MIX23: variants seen among roughly 807,000 people sequenced by gnomAD.
The protein encoded by MIX23 is protein MIX23.
A neutral mutation model predicts 21.6 loss-of-function variants in MIX23; 13 were observed. The observed-to-expected ratio is 0.60, with a 90% CI of 0.39 to 0.96. The LOEUF (loss-of-function observed/expected upper bound fraction) is 0.96, where lower values mean the gene tolerates loss of function less well. MIX23 is among the 40% of genes least tolerant of loss of function. The probability of loss-of-function intolerance (pLI) is 0.00; values close to 1 mark genes in which losing one functional copy is unlikely to be tolerated. For synonymous variants in MIX23, 59 were observed against 58.0 expected (o/e 1.02, Z -0.08); for missense variants, 144 against 171.2 (o/e 0.84, Z 0.89).
chr3:122,383,097 A>T, intron 1 of MIX23, 77 bp downstream of exon 1: 1 of 1,554,920 alleles, frequency 6.4e-7, no homozygotes, highest in Non-Finnish European at 8.9e-7. Context: ...GCTGGTTCAT[A>T]CTCCCTCGCA....
chr3:122,368,382 T>A, intron 2 of MIX23, 60 bp from the exon 3 acceptor site: 10 of 1,476,586 alleles, frequency 6.8e-6, no homozygotes, highest in Non-Finnish European at 9.0e-6. Flanking sequence ...CACATTTTAG[T>A]GTTTTTCAAA....
intron 1 of MIX23, among the ~76,000 whole-genome samples, chr3:122,372,343 T>C (rs1353213783): frequency 6.6e-6 from 1 of 151,800 alleles, no homozygotes; most frequent in Non-Finnish European, 1.5e-5. Flanking sequence ...ATATGATCAG[T>C]GTACTTCTTT....
chr3:122,379,686 CCACAGAAATAA>C (rs1164523745), intron 1 of MIX23, among the ~76,000 whole-genome samples: 4 of 152,194 alleles, frequency 2.6e-5, no homozygotes, highest in Non-Finnish European at 4.4e-5. Context: ...CAACACCTGT[CCACAGAAATAA>C]CACAGAAATA....
chr3:122,360,656 A>G (rs192135724), intron 4 of MIX23, among the ~76,000 whole-genome samples: 139 of 152,264 alleles, frequency 9.1e-4, no homozygotes, highest in African/African-American at 3.1e-3. Flanking sequence ...GTGTCCAATT[A>G]TAACAATTCT....
At chr3:122,375,063 G>A (rs1252144392) in intron 1 of MIX23, among the ~76,000 whole-genome samples, 1 of 152,150 alleles carries the variant, frequency 6.6e-6, no homozygotes, top group African/African-American at 2.4e-5. Context: ...GAGCTGAGGA[G>A]GTTGAGGCAC....
At chr3:122,364,309 G>GT (rs1472258171) in intron 3 of MIX23, among the ~76,000 whole-genome samples, 2 of 152,216 alleles carry the variant, frequency 1.3e-5, no homozygotes. Context: ...CTGTGCAGTA[G>GT]TAACAAGCCT....
chr3:122,373,637 C>T (rs1366196822), intron 1 of MIX23, among the ~76,000 whole-genome samples: 1 of 152,132 alleles, frequency 6.6e-6, no homozygotes, highest in Non-Finnish European at 1.5e-5. Flanking sequence ...CTCATTTGGC[C>T]ACTTTCTCAT....
chr3:122,374,751 G>A (rs1362275792), intron 1 of MIX23, among the ~76,000 whole-genome samples: 1 of 152,126 alleles, frequency 6.6e-6, no homozygotes, highest in Non-Finnish European at 1.5e-5. Context: ...CTCTTACAGA[G>A]CAAAATTCCT....
At chr3:122,360,277 G>A (rs62271965) in intron 4 of MIX23, among the ~76,000 whole-genome samples, 17,284 of 152,126 alleles carry the variant, frequency 0.11, 1,139 homozygotes, top group East Asian at 0.22. Context: ...AATAAAGAAT[G>A]CTCAATAACT....
At chr3:122,374,891 T>C (rs2075471781) in intron 1 of MIX23, among the ~76,000 whole-genome samples, 1 of 152,214 alleles carries the variant, frequency 6.6e-6, no homozygotes, top group African/African-American at 2.4e-5. Context: ...TGGGGGCTAC[T>C]TCAGATAGAC....
intron 1 of MIX23, among the ~76,000 whole-genome samples, 191 bp downstream of exon 1, chr3:122,382,983 T>G (rs1348706979): frequency 6.6e-6 from 1 of 151,946 alleles, no homozygotes; most frequent in Non-Finnish European, 1.5e-5. Flanking sequence ...ACCCCCCTCC[T>G]CCCTCCTCCT....
chr3:122,362,638 C>G (rs374300627), intron 4 of MIX23, among the ~76,000 whole-genome samples: 1 of 151,912 alleles, frequency 6.6e-6, no homozygotes, highest in Non-Finnish European at 1.5e-5. Flanking sequence ...CATGCCACCA[C>G]GCTAATTTTT....
At chr3:122,381,585 G>A (rs1001521112) in intron 1 of MIX23, among the ~76,000 whole-genome samples, 1 of 151,986 alleles carries the variant, frequency 6.6e-6, no homozygotes, top group East Asian at 1.9e-4. Context: ...AAAATTAACC[G>A]GGCACGGTGG....
chr3:122,374,121 A>ATTT (rs1232521731), intron 1 of MIX23, among the ~76,000 whole-genome samples: 6,788 of 132,660 alleles, frequency 0.051, 271 homozygotes, highest in African/African-American at 0.12. Context: ...TTTTTTTTTA[A>ATTT]AAAAAAAGCC....
chr3:122,379,057 T>C (rs960864061), intron 1 of MIX23, among the ~76,000 whole-genome samples: 10 of 152,158 alleles, frequency 6.6e-5, no homozygotes, highest in African/African-American at 2.4e-4. Flanking sequence ...AATGTACTTG[T>C]TCAGGAATTG....
At chr3:122,374,181 G>T (rs754441347) in intron 1 of MIX23, among the ~76,000 whole-genome samples, 1 of 148,038 alleles carries the variant, frequency 6.8e-6, no homozygotes, top group Non-Finnish European at 1.5e-5. Context: ...AAACTGAACT[G>T]ATCTTCTGAG....
At chr3:122,369,040 T>C (rs566545652) in intron 2 of MIX23, among the ~76,000 whole-genome samples, 3 of 152,376 alleles carry the variant, frequency 2.0e-5, no homozygotes, top group Admixed American at 2.0e-4. Context: ...TTTCCCATCT[T>C]GATTCTAAAG....
intron 1 of MIX23, among the ~76,000 whole-genome samples, chr3:122,381,145 TC>T (rs2075528071): frequency 6.6e-6 from 1 of 152,248 alleles, no homozygotes; most frequent in African/African-American, 2.4e-5. Context: ...GGCCCAACTC[TC>T]TAAATTCTTT....
intron 3 of MIX23, among the ~76,000 whole-genome samples, chr3:122,363,278 AT>A (rs1256697068): frequency 6.6e-6 from 1 of 151,962 alleles, no homozygotes; most frequent in Admixed American, 6.5e-5. Flanking sequence ...TAAAAAAAAA[AT>A]ATCCCAAGGC....
Sources: gnomAD v4.1 joint callset for allele counts (sites outside exome capture counted in the v4.1 genomes callset) on GRCh38, gnomAD v4.1.1 for gene constraint, MANE v1.5 for transcripts, NCBI Gene and HGNC (gene_info 2026-07-23, HGNC 2026-07-21) for gene names.